MYO3B: variants seen among roughly 807,000 people sequenced by gnomAD.
The protein encoded by MYO3B is myosin-IIIb.
MYO3B carries 156 observed loss-of-function variants against 174.6 expected under a neutral mutation model. The ratio of observed to expected loss-of-function variants is 0.89; its 90% CI spans 0.78 to 1.02. The LOEUF (loss-of-function observed/expected upper bound fraction) is 1.02. Among genes scored for constraint, MYO3B ranks in the 50% least tolerant of loss-of-function variants. The pLI is 0.00. For synonymous variants in MYO3B, 563 were observed against 569.1 expected, an observed-to-expected ratio of 0.99 and a Z score of 0.15; for missense variants, 1,632 against 1,639.4, an observed-to-expected ratio of 1.00 and a Z score of 0.08.
intron 32 of MYO3B, among the ~76,000 whole-genome samples, chr2:170,614,115 G>A (rs1166050118): frequency 6.6e-6 from 1 of 152,102 alleles, no homozygotes; most frequent in African/African-American, 2.4e-5. Flanking sequence ...CCCCTAGGGT[G>A]TAGTAGAAGC....
chr2:170,593,074 T>C (rs563052246), intron 32 of MYO3B, among the ~76,000 whole-genome samples: 24 of 152,222 alleles, frequency 1.6e-4, no homozygotes, highest in African/African-American at 5.8e-4. Context: ...TGTCTGTCTA[T>C]AGCGAGAGGA....
intron 22 of MYO3B, among the ~76,000 whole-genome samples, chr2:170,415,151 C>A (rs549572258): frequency 6.6e-6 from 1 of 152,290 alleles, no homozygotes; most frequent in South Asian, 2.1e-4. Context: ...TTGCTTTGTT[C>A]CCGATCCTGA....
chr2:170,467,049 C>G (rs926914588), intron 25 of MYO3B, among the ~76,000 whole-genome samples: 1 of 152,178 alleles, frequency 6.6e-6, no homozygotes, highest in African/African-American at 2.4e-5. Flanking sequence ...CACCCAAGCA[C>G]CAGTTCTTCT....
chr2:170,401,579 G>A lies in MYO3B; in HGVS notation c.2017G>A (p.Val673Ile). ...RGETIIRANT[V>I]DRAADVRDAM... ...CGAGACCATCATCCGTGCCAACACT[G>A]TAGACAGGGCTGCGGACGTTCGAGA... Residue 673 changes from valine (V) to isoleucine (I), a missense_variant, in exon 18 of 35, where the codon GTA becomes ATA. Coordinates refer to ENST00000408978, the MANE Select transcript of MYO3B (RefSeq NM_138995.5). The A allele has an allele frequency of 6.2e-7, 1 of 1,614,158 alleles. No homozygotes were observed. Among genetic ancestry groups the A allele is most frequent in the Non-Finnish European group, 8.5e-7 (1 of 1,180,010 alleles).
chr2:170,296,715 A>G (rs2093630923), intron 7 of MYO3B, among the ~76,000 whole-genome samples: 1 of 152,184 alleles, frequency 6.6e-6, no homozygotes, highest in African/African-American at 2.4e-5. Flanking sequence ...CAATTTATAA[A>G]GAAGAGAGGT....
intron 32 of MYO3B, among the ~76,000 whole-genome samples, chr2:170,586,067 C>G (rs983389463): frequency 1.3e-5 from 2 of 152,152 alleles, no homozygotes; most frequent in Admixed American, 1.3e-4. Flanking sequence ...AGTGTTTGTT[C>G]AGGGAAAGAA....
chr2:170,315,828 A>G (rs919753635), intron 7 of MYO3B, among the ~76,000 whole-genome samples: 9 of 152,210 alleles, frequency 5.9e-5, no homozygotes, highest in Admixed American at 5.2e-4. Flanking sequence ...TAGAACTGGA[A>G]TATGAACCCA....
chr2:170,333,320 G>A (rs1210940995), intron 7 of MYO3B, among the ~76,000 whole-genome samples: 1 of 152,114 alleles, frequency 6.6e-6, no homozygotes, highest in Non-Finnish European at 1.5e-5. Flanking sequence ...GTGGTACTAG[G>A]GAAAGATGAA....
chr2:170,430,843 A>T (rs1320603987), intron 22 of MYO3B, among the ~76,000 whole-genome samples: 1 of 152,204 alleles, frequency 6.6e-6, no homozygotes, highest in Non-Finnish European at 1.5e-5. Context: ...TGCATGGAAA[A>T]GTTCAAGGGT....
chr2:170,195,667 C>T (rs115435808), intron 1 of MYO3B, among the ~76,000 whole-genome samples: 1,871 of 152,290 alleles, frequency 0.012, 43 homozygotes, highest in African/African-American at 0.043. Flanking sequence ...AACACATGCC[C>T]ACTTGGGCTT....
At chr2:170,268,815 A>G (rs937960323) in intron 7 of MYO3B, among the ~76,000 whole-genome samples, 3 of 152,178 alleles carry the variant, frequency 2.0e-5, no homozygotes, top group Non-Finnish European at 4.4e-5. Context: ...TAAGAAAAAG[A>G]TTGGCCACAC....
intron 8 of MYO3B, among the ~76,000 whole-genome samples, chr2:170,363,305 T>C (rs866254316): frequency 2.0e-5 from 3 of 152,260 alleles, no homozygotes; most frequent in South Asian, 2.1e-4. Flanking sequence ...TCTTACCCAG[T>C]TTACTAGTAT....
chr2:170,369,504 A>G (rs1392362395), intron 9 of MYO3B, 127 bp downstream of exon 9: 2 of 1,094,606 alleles, frequency 1.8e-6, no homozygotes, highest in East Asian at 2.5e-5. Context: ...TTTTATTTAC[A>G]TGACATTAAG....
At chr2:170,361,619 G>T (rs1462908059) in intron 8 of MYO3B, among the ~76,000 whole-genome samples, 1 of 152,184 alleles carries the variant, frequency 6.6e-6, no homozygotes, top group Non-Finnish European at 1.5e-5. Flanking sequence ...CAGCCAACTC[G>T]GTCAGTATGC....
chr2:170,577,515 T>G (rs4363999), intron 32 of MYO3B, among the ~76,000 whole-genome samples: 67,020 of 152,024 alleles, frequency 0.44, 15,193 homozygotes, highest in East Asian at 0.63. Context: ...GCACGTGAAA[T>G]CTGTTTCTTC....
At position 170,389,633 on chromosome 2, in the gene MYO3B, T is replaced by G. The variant is rs73018929; in HGVS notation, c.1578-1887T>G. 8.2e-3 allele frequency among the ~76,000 whole-genome samples: 1,244 copies of G among 152,170 alleles called. 19 individuals are homozygous for G. The highest frequency in any genetic ancestry group is 0.028 in the African/African-American group (1,173 of 41,518). On this transcript the variant is annotated intron_variant, in intron 14 of 34. Transcript: ENST00000408978. The stretch of plus-strand genomic sequence containing the variant: ...TGGATCTGTAGAAAAACTAAAGGAA[T>G]GTAAGACTAAGATGGGCCAGCCAAA...
rs757988775 is a variant in MYO3B, at chr2:170,499,803, A to G, written c.3284A>G (p.Gln1095Arg). 10 of 1,613,814 alleles carry G rather than the reference A, an allele frequency of 6.2e-6. No individual in the cohort carries two copies. The highest frequency in any genetic ancestry group is 1.7e-4 in the Middle Eastern group (1 of 6,046). Residue 1095 changes from glutamine to arginine, a missense_variant, in exon 27 of 35, where the codon CAG becomes CGG. Coordinates refer to ENST00000408978, the MANE Select transcript of MYO3B (RefSeq NM_138995.5). ...AGAGAGAAGGGAGCCATTGCCATCCAGTCAGGTAAATGGTCCTGTTCTCAT... is the reference window on the plus strand; with the variant it reads ...AGAGAGAAGGGAGCCATTGCCATCCGGTCAGGTAAATGGTCCTGTTCTCAT... Reference protein sequence around the residue: ...EKREKGAIAIQSAWRGYDARR... With the variant: ...EKREKGAIAIRSAWRGYDARR...
chr2:170,231,974 C>A (rs2093020361), intron 6 of MYO3B, among the ~76,000 whole-genome samples: 1 of 152,168 alleles, frequency 6.6e-6, no homozygotes, highest in African/African-American at 2.4e-5. Flanking sequence ...AAAGGGTGTG[C>A]ATTTGGGATC....
intron 23 of MYO3B, among the ~76,000 whole-genome samples, chr2:170,445,733 C>T (rs1455214111): frequency 6.6e-6 from 1 of 152,038 alleles, no homozygotes; most frequent in Non-Finnish European, 1.5e-5. Context: ...TTTCTGGCTT[C>T]AAGGATCCTT....
Sources: gnomAD v4.1 joint callset for allele counts (sites outside exome capture counted in the v4.1 genomes callset) on GRCh38, gnomAD v4.1.1 for gene constraint, MANE v1.5 for transcripts, NCBI Gene and HGNC (gene_info 2026-07-23, HGNC 2026-07-21) for gene names.